The following AP1B1 variants were observed in gnomAD, a reference collection of about 807,000 sequenced individuals.
AP1B1 encodes adaptor related protein complex 1 subunit beta 1.
AP1B1 carries 36 observed loss-of-function variants against 104.3 expected under a neutral mutation model. The observed-to-expected ratio is 0.35, with a 90% confidence interval of 0.26 to 0.46. The LOEUF is 0.46. Ranked by LOEUF, AP1B1 falls within the 20% of genes least tolerant of loss-of-function variation. The pLI is 1.00. For synonymous variants in AP1B1, 504 were observed against 517.5 expected (o/e 0.97, Z 0.35); for missense variants, 901 against 1,247.9 (o/e 0.72, Z 4.19).
At chr22:29,346,762 G>T (rs994075290) in intron 11 of AP1B1, among the ~76,000 whole-genome samples, 1 of 151,326 alleles carries the variant, frequency 6.6e-6, no homozygotes, top group Non-Finnish European at 1.5e-5. Context: ...GGCTGGTATT[G>T]CAAGCAAAGG....
intron 11 of AP1B1, among the ~76,000 whole-genome samples, chr22:29,346,797 G>GA (rs2061800262): frequency 1.3e-5 from 2 of 152,168 alleles, no homozygotes; most frequent in Non-Finnish European, 2.9e-5. Flanking sequence ...GTGGCAGTGG[G>GA]GGGGGGTGAC....
At chr22:29,334,158 T>G in intron 17 of AP1B1, 107 bp downstream of exon 17, 3 of 602,880 alleles carry the variant, frequency 5.0e-6, no homozygotes, top group Non-Finnish European at 8.0e-6. Context: ...GGCACTGCCC[T>G]CCCCTCTACA....
intron 1 of AP1B1, among the ~76,000 whole-genome samples, chr22:29,388,199 G>A (rs1191588181): frequency 6.6e-6 from 1 of 152,122 alleles, no homozygotes; most frequent in East Asian, 1.9e-4. Flanking sequence ...AGCCCCAGGA[G>A]GTGCTGCGGG....
chr22:29,387,408 A>G (rs1207110961), intron 1 of AP1B1, among the ~76,000 whole-genome samples: 1 of 151,730 alleles, frequency 6.6e-6, no homozygotes, highest in African/African-American at 2.4e-5. Context: ...CCTGGGTTCA[A>G]GCGATTCTCC....
intron 16 of AP1B1, among the ~76,000 whole-genome samples, chr22:29,336,192 T>C (rs1012456676): frequency 6.6e-6 from 1 of 152,202 alleles, no homozygotes; most frequent in African/African-American, 2.4e-5. Context: ...ACCAACATGG[T>C]TGGCCAATGT....
intron 1 of AP1B1, among the ~76,000 whole-genome samples, chr22:29,382,977 C>T (rs1046172468): frequency 6.6e-6 from 1 of 152,138 alleles, no homozygotes; most frequent in African/African-American, 2.4e-5. Flanking sequence ...TTTTGTTTCC[C>T]TTGTGGCTTA....
intron 15 of AP1B1, 39 bp downstream of exon 15, chr22:29,339,715 C>G (rs1569153488): frequency 6.2e-7 from 1 of 1,606,746 alleles, no homozygotes. Flanking sequence ...TCGGGAGGAG[C>G]AAGGACGAAG....
intron 11 of AP1B1, among the ~76,000 whole-genome samples, chr22:29,346,018 T>A (rs1203785458): frequency 6.6e-6 from 1 of 152,218 alleles, no homozygotes; most frequent in Non-Finnish European, 1.5e-5. Context: ...TTGAACTGTG[T>A]TGTGAACCAA....
intron 6 of AP1B1, among the ~76,000 whole-genome samples, chr22:29,355,608 T>C (rs1476706934): frequency 1.3e-5 from 2 of 152,030 alleles, no homozygotes; most frequent in Non-Finnish European, 2.9e-5. Context: ...CTTCACAGGG[T>C]TGCTAGGGGC....
intron 1 of AP1B1, among the ~76,000 whole-genome samples, chr22:29,377,793 A>G (rs1488548237): frequency 6.6e-6 from 1 of 150,844 alleles, no homozygotes; most frequent in Non-Finnish European, 1.5e-5. Flanking sequence ...CCTGGGTGAC[A>G]GTGCGAGACT....
intron 2 of AP1B1, among the ~76,000 whole-genome samples, chr22:29,365,282 T>C (rs996196331): frequency 6.6e-5 from 10 of 152,144 alleles, no homozygotes; most frequent in African/African-American, 1.2e-4. Context: ...GGCTGGAGCA[T>C]TGAACCCAGG....
intron 11 of AP1B1, 28 bp downstream of exon 11, chr22:29,349,188 ACT>A (rs763021545): frequency 6.2e-7 from 1 of 1,606,922 alleles, no homozygotes; most frequent in South Asian, 1.1e-5. Context: ...GCCAGTCATG[ACT>A]CACACCCTGG....
chr22:29,329,454 A>G, intron 22 of AP1B1: 1 of 1,368,986 alleles, frequency 7.3e-7, no homozygotes, highest in Non-Finnish European at 9.4e-7. Context: ...GGGTGCAGTT[A>G]GGAAGTGGGA....
intron 1 of AP1B1, among the ~76,000 whole-genome samples, chr22:29,386,012 A>G (rs959418250): frequency 6.6e-6 from 1 of 152,200 alleles, no homozygotes; most frequent in African/African-American, 2.4e-5. Flanking sequence ...TCCTGCGTAC[A>G]TTAAGGTCTC....
intron 1 of AP1B1, among the ~76,000 whole-genome samples, chr22:29,384,598 T>C (rs574612338): frequency 6.6e-6 from 1 of 152,196 alleles, no homozygotes; most frequent in Non-Finnish European, 1.5e-5. Flanking sequence ...CCAGGCACGG[T>C]GGCTCAAACC....
Position 29,351,215 on chromosome 22 carries a change from G to T in AP1B1, c.1111C>A (p.Arg371=). 6.2e-7 allele frequency: 1 copy of T among 1,614,128 alleles called. No homozygotes were observed. The highest frequency in any genetic ancestry group is 8.5e-7 in the Non-Finnish European group (1 of 1,179,994). ...CGGCCAATAGCACGCACAGCCTTCC[G>T]TACAAAGTCCACATCCACTTCTGTT... ...YATEVDVDFV[R]KAVRAIGRCA... is the part of the protein sequence containing the mutation. Residue 371 remains arginine, a synonymous_variant, in exon 9 of 23, where the codon CGG becomes AGG. Coordinates refer to ENST00000357586, the MANE Select transcript of AP1B1 (RefSeq NM_001127.4).
intron 1 of AP1B1, among the ~76,000 whole-genome samples, chr22:29,380,865 C>G (rs2062425148): frequency 6.6e-6 from 1 of 152,144 alleles, no homozygotes; most frequent in Non-Finnish European, 1.5e-5. Context: ...CAACGTCTTC[C>G]AACGGTTCTC....
At chr22:29,383,666 GC>G (rs1274687694) in intron 1 of AP1B1, among the ~76,000 whole-genome samples, 1 of 133,484 alleles carries the variant, frequency 7.5e-6, no homozygotes, top group Non-Finnish European at 1.5e-5. Context: ...CCGAGATCAC[GC>G]CACTGCACTC....
chr22:29,373,966 G>GC (rs71324755), intron 1 of AP1B1, among the ~76,000 whole-genome samples: 42 of 73,818 alleles, frequency 5.7e-4, no homozygotes, highest in Non-Finnish European at 5.6e-5. Flanking sequence ...GGGAGGCTGA[G>GC]GGGGGTGGAT....
Sources: gnomAD v4.1 joint callset for allele counts (sites outside exome capture counted in the v4.1 genomes callset) on GRCh38, gnomAD v4.1.1 for gene constraint, MANE v1.5 for transcripts, NCBI Gene and HGNC (gene_info 2026-07-23, HGNC 2026-07-21) for gene names.